RFX2: variants seen among roughly 807,000 people sequenced by gnomAD.
RFX2 encodes regulatory factor X2.
In RFX2, 20 loss-of-function variants were observed where a neutral mutation model predicts 87.8. The observed-to-expected ratio is 0.23, with a 90% CI of 0.16 to 0.33. The LOEUF (loss-of-function observed/expected upper bound fraction) is 0.33, where lower values mean the gene tolerates loss of function less well. RFX2 is among the 10% of genes least tolerant of loss of function. The pLI, the probability that RFX2 is intolerant of heterozygous loss-of-function variation, is 1.00. For synonymous variants in RFX2, 397 were observed against 431.3 expected, an observed-to-expected ratio of 0.92 and a Z score of 0.98; for missense variants, 767 against 1,012.3, an observed-to-expected ratio of 0.76 and a Z score of 3.29.
intron 1 of RFX2, among the ~76,000 whole-genome samples, chr19:6,059,767 A>G (rs1377421942): frequency 6.6e-6 from 1 of 152,208 alleles, no homozygotes. Flanking sequence ...ATGTACATAC[A>G]TGTATACACA....
At chr19:6,106,588 T>G (rs2088220836) in intron 1 of RFX2, among the ~76,000 whole-genome samples, 1 of 152,014 alleles carries the variant, frequency 6.6e-6, no homozygotes, top group Non-Finnish European at 1.5e-5. Context: ...ACGGCTGTGT[T>G]TAGTGGGAAT....
chr19:6,101,136 C>T lies in RFX2; in HGVS notation c.-9+9257G>A, dbSNP rs1377816305. On this transcript the variant is annotated intron_variant, in intron 1 of 17. Transcript: ENST00000303657. The surrounding 1 kb of genome is among the most constrained non-coding windows in gnomAD (Gnocchi z 4.9). ...ACGTAAATGCTTAACTAATTATAAG[C>T]TCCTCAGATGTTTGATATTTCAGGC... Among the ~76,000 whole-genome samples, 1 of 152,168 alleles carries T rather than the reference C, an allele frequency of 6.6e-6. No homozygotes were observed.
Position 6,090,518 on chromosome 19 carries a change from G to A in RFX2, c.-9+19875C>T, listed in dbSNP as rs185635599. On this transcript the variant is annotated intron_variant, in intron 1 of 17. Coordinates refer to ENST00000303657, the MANE Select transcript of RFX2 (RefSeq NM_000635.4). ...ACACCACTTCACACCTACGAGGCTG[G>A]TTATACTAAAAACAGGGAAAAATAA... Among the ~76,000 whole-genome samples, 21 of 152,234 alleles carry A rather than the reference G, an allele frequency of 1.4e-4. No individual in the cohort carries two copies. In the East Asian group the frequency reaches 3.9e-3, roughly 28 times the overall value.
At chr19:6,049,380 C>G (rs759359885) in intron 1 of RFX2, 6 of 152,144 alleles carry the variant, frequency 3.9e-5, no homozygotes, top group Admixed American at 6.5e-5. Flanking sequence ...GCTCCAAACT[C>G]CAGACCTTAT....
rs892058598 is a variant in RFX2 at position 6,007,501 on chromosome 19, G to A, written c.1247+189C>T. ...CTCCCTATTCAAACAGTCTGACCCTGCAAAGGGGCGGATGGCAATGTGAAT... is the reference window on the plus strand; with the variant it reads ...CTCCCTATTCAAACAGTCTGACCCTACAAAGGGGCGGATGGCAATGTGAAT... On this transcript the variant is annotated intron_variant, in intron 11 of 17. Transcript: ENST00000303657. The surrounding 1 kb of genome is among the most constrained non-coding windows in gnomAD (Gnocchi z 8.2). 2.0e-5 allele frequency among the ~76,000 whole-genome samples: 3 copies of A among 152,210 alleles called. No individual in the cohort carries two copies. The highest frequency in any genetic ancestry group is 7.2e-5 in the African/African-American group (3 of 41,452).
intron 1 of RFX2, among the ~76,000 whole-genome samples, chr19:6,062,432 G>C (rs976534195): frequency 2.6e-5 from 4 of 152,182 alleles, no homozygotes; most frequent in African/African-American, 9.7e-5. Flanking sequence ...AGCAGGAAGA[G>C]GCAGGCTAGA....
At chr19:6,005,360 C>T (rs539732837) in intron 12 of RFX2, among the ~76,000 whole-genome samples, 8 of 152,192 alleles carry the variant, frequency 5.3e-5, no homozygotes, top group Admixed American at 4.6e-4. Context: ...CTGAGGGGCA[C>T]GGTCCATGGG....
chr19:6,087,150 C>T (rs972264753), intron 1 of RFX2, among the ~76,000 whole-genome samples: 7 of 152,062 alleles, frequency 4.6e-5, no homozygotes, highest in Non-Finnish European at 8.8e-5. Flanking sequence ...GGCAGATGGT[C>T]GCAGCGGGTC....
chr19:6,073,892 T>C (rs1210270160), intron 1 of RFX2, among the ~76,000 whole-genome samples: 12 of 152,120 alleles, frequency 7.9e-5, no homozygotes, highest in Admixed American at 7.9e-4. Context: ...TCAGGAAGTA[T>C]CTGAGAGGGT....
At position 6,074,707 on chromosome 19, in the gene RFX2, CA is replaced by C. The variant is rs371424658; in HGVS notation, c.-8-27204del. ...TGCACAAGTGGAGTGCGGCATGGGC[CA>C]GGGGCAACAAGGTGACCTGGGGCAG... On this transcript the variant is annotated intron_variant, in intron 1 of 17. Transcript: ENST00000303657. The surrounding 1 kb of genome is among the most constrained non-coding windows in gnomAD (Gnocchi z 5.2). 7.3e-3 allele frequency among the ~76,000 whole-genome samples: 1,104 copies of C among 152,246 alleles called. 9 individuals are homozygous for C. Among genetic ancestry groups the C allele is most frequent in the African/African-American group, 0.025 (1,058 of 41,556 alleles).
At chr19:6,100,885 A>G (rs933451117) in intron 1 of RFX2, among the ~76,000 whole-genome samples, 2 of 94,410 alleles carry the variant, frequency 2.1e-5, no homozygotes, top group East Asian at 4.6e-4. Context: ...TAATTAATTG[A>G]ATTAATTAAT....
At position 6,016,588 on chromosome 19, in the gene RFX2, A is replaced by C. The variant is rs2086728659; in HGVS notation, c.598-317T>G. Among the ~76,000 whole-genome samples, 1 of 151,948 alleles carries C rather than the reference A, an allele frequency of 6.6e-6. No homozygotes were observed. ...GTATTTTTAGTAGAGACGGGGTTTC[A>C]CCATGTTGCCCAGGCTGGTCTCAAA... On this transcript the variant is annotated intron_variant, in intron 6 of 17. Coordinates refer to ENST00000303657, the MANE Select transcript of RFX2 (RefSeq NM_000635.4). The surrounding 1 kb of genome is among the most constrained non-coding windows in gnomAD (Gnocchi z 5.4).
chr19:6,103,486 G>C (rs1234159911), intron 1 of RFX2, among the ~76,000 whole-genome samples: 1 of 152,166 alleles, frequency 6.6e-6, no homozygotes, highest in Non-Finnish European at 1.5e-5. Flanking sequence ...CCAGTCCCCG[G>C]CTCCAAGTGG....
intron 1 of RFX2, among the ~76,000 whole-genome samples, chr19:6,105,757 G>C (rs1337394813): frequency 6.6e-6 from 1 of 152,102 alleles, no homozygotes; most frequent in Non-Finnish European, 1.5e-5. Context: ...AACAGGATTT[G>C]CTGATGGCTT....
At chr19:6,034,153 T>C (rs1171969580) in intron 5 of RFX2, among the ~76,000 whole-genome samples, 2 of 151,788 alleles carry the variant, frequency 1.3e-5, no homozygotes, top group African/African-American at 4.8e-5. Flanking sequence ...CACTGCAGCC[T>C]CAACCTCCCC....
At position 6,044,161 on chromosome 19, in the gene RFX2, G is replaced by A. The variant is rs770821647; in HGVS notation, c.180+32C>T. 12 of 1,348,774 alleles carry A rather than the reference G, an allele frequency of 8.9e-6. No individual in the cohort carries two copies. The South Asian group carries it at 1.0e-4, about 12-fold the overall frequency. 83.6% of individuals were successfully genotyped at this position (1,348,774 alleles called of 1,614,324 possible). On this transcript the variant is annotated intron_variant, in intron 3 of 17. Transcript: ENST00000303657. The surrounding 1 kb of genome is among the most constrained non-coding windows in gnomAD (Gnocchi z 5.3). ...GATTGCTGAGTGCTAACTGCGCCCCGGTTTGCACGGTGCTGCGGTGCTTGT... is the reference window on the plus strand; with the variant it reads ...GATTGCTGAGTGCTAACTGCGCCCCAGTTTGCACGGTGCTGCGGTGCTTGT...
chr19:6,042,536 G>A (rs945940509), intron 3 of RFX2, among the ~76,000 whole-genome samples: 2 of 152,022 alleles, frequency 1.3e-5, no homozygotes, highest in African/African-American at 4.8e-5. Context: ...TTTGCGACAG[G>A]GTCTCCCTCT....
chr19:6,096,012 G>A (rs2088017303), intron 1 of RFX2, among the ~76,000 whole-genome samples: 1 of 152,180 alleles, frequency 6.6e-6, no homozygotes, highest in Non-Finnish European at 1.5e-5. Context: ...CTGAGTAGTT[G>A]AGATAGTGAC....
At position 6,026,348 on chromosome 19, in the gene RFX2, T is replaced by C. The variant is rs1218474203; in HGVS notation, c.523-111A>G. On this transcript the variant is annotated intron_variant, in intron 5 of 17. Transcript: ENST00000303657. This position sits in a 1 kb window ranked among gnomAD's most constrained non-coding sequence, Gnocchi z 4.5. ...GTTTTTATTAATATCCAAATAATGA[T>C]TCGAGCTCCTACAAAATAAAAATGA... The C allele has an allele frequency of 1.0e-5, 9 of 872,874 alleles. No homozygotes were observed. Among genetic ancestry groups the C allele is most frequent in the Non-Finnish European group, 1.4e-5 (8 of 552,074 alleles). The allele number at this position is 872,874 out of a possible 1,614,324, so 54.1% of individuals were successfully genotyped here.
Sources: gnomAD v4.1 joint callset for allele counts (sites outside exome capture counted in the v4.1 genomes callset) on GRCh38, gnomAD v4.1.1 for gene constraint, Gnocchi (gnomAD v3.1) non-coding constraint, MANE v1.5 for transcripts, NCBI Gene and HGNC (gene_info 2026-07-23, HGNC 2026-07-21) for gene names.